DLG2: variants seen among roughly 807,000 people sequenced by gnomAD.
The protein encoded by DLG2 is discs large MAGUK scaffold protein 2, also known as disks large homolog 2.
Under a neutral mutation model 132.5 loss-of-function variants are expected in DLG2, and 45 were observed. The observed-to-expected ratio is 0.34, with a 90% CI of 0.27 to 0.44. The LOEUF (loss-of-function observed/expected upper bound fraction) is 0.44, where lower values mean the gene tolerates loss of function less well. Ranked by LOEUF, DLG2 falls within the 20% of genes least tolerant of loss-of-function variation. DLG2 has a pLI of 1.00. For missense variants in DLG2, 1,045 were observed against 1,196.9 expected (o/e 0.87, Z 1.87); for synonymous variants, 424 against 419.6 (o/e 1.01, Z -0.13).
At chr11:85,200,534 C>G (rs1335706028) in intron 4 of DLG2, among the ~76,000 whole-genome samples, 1 of 152,160 alleles carries the variant, frequency 6.6e-6, no homozygotes, top group Non-Finnish European at 1.5e-5. Flanking sequence ...CAGCATCAGC[C>G]CCTTGCATTG....
At chr11:83,753,775 CATAT>C (rs1176443667) in intron 18 of DLG2, among the ~76,000 whole-genome samples, 1 of 128,480 alleles carries the variant, frequency 7.8e-6, no homozygotes. Flanking sequence ...TATGATATGG[CATAT>C]ATATGTCATA....
intron 7 of DLG2, among the ~76,000 whole-genome samples, chr11:84,329,748 T>C (rs1238526306): frequency 6.6e-6 from 1 of 152,210 alleles, no homozygotes; most frequent in African/African-American, 2.4e-5. Flanking sequence ...GCTGAGAACA[T>C]TTTCATTGTT....
chr11:84,490,792 G>A (rs1446647355), intron 7 of DLG2, among the ~76,000 whole-genome samples: 6 of 151,816 alleles, frequency 4.0e-5, no homozygotes, highest in Non-Finnish European at 7.4e-5. Context: ...ATGGTGCCCA[G>A]TTTTCTTGTT....
intron 19 of DLG2, among the ~76,000 whole-genome samples, chr11:83,581,267 A>T (rs2096970447): frequency 6.6e-6 from 1 of 152,136 alleles, no homozygotes; most frequent in Non-Finnish European, 1.5e-5. Flanking sequence ...ATCACCTGGA[A>T]TAAAATTATT....
chr11:84,266,368 C>A (rs1385349828), intron 7 of DLG2, among the ~76,000 whole-genome samples: 5 of 152,188 alleles, frequency 3.3e-5, no homozygotes, highest in Non-Finnish European at 7.3e-5. Flanking sequence ...TTGTAATTAT[C>A]CAGGTCGCTT....
chr11:84,193,425 G>A (rs1296049728), intron 8 of DLG2, among the ~76,000 whole-genome samples: 1 of 152,182 alleles, frequency 6.6e-6, no homozygotes, highest in Non-Finnish European at 1.5e-5. Context: ...CTCTGGACCC[G>A]ACAGTAAGGG....
At chr11:84,898,851 T>C (rs575610532) in intron 6 of DLG2, among the ~76,000 whole-genome samples, 2 of 152,114 alleles carry the variant, frequency 1.3e-5, no homozygotes, top group African/African-American at 2.4e-5. Flanking sequence ...AGATTGAATT[T>C]AGTCATTTGT....
At chr11:84,830,991 C>A (rs1316525426) in intron 6 of DLG2, among the ~76,000 whole-genome samples, 1 of 124,234 alleles carries the variant, frequency 8.0e-6, no homozygotes, top group Non-Finnish European at 1.6e-5. Context: ...TTCTTTTCCC[C>A]CCATATTGAA....
intron 6 of DLG2, among the ~76,000 whole-genome samples, chr11:85,072,472 A>G (rs1399605923): frequency 6.6e-6 from 1 of 151,894 alleles, no homozygotes; most frequent in Non-Finnish European, 1.5e-5. Context: ...TTCAGCAACT[A>G]TATTTTGAGA....
intron 21 of DLG2, among the ~76,000 whole-genome samples, chr11:83,517,794 C>A (rs2095347184): frequency 6.6e-6 from 1 of 152,132 alleles, no homozygotes; most frequent in Non-Finnish European, 1.5e-5. Context: ...CACTCCAGAC[C>A]CTGTTTGCCT....
At chr11:83,937,993 A>T (rs1434388210) in intron 14 of DLG2, among the ~76,000 whole-genome samples, 1 of 152,240 alleles carries the variant, frequency 6.6e-6, no homozygotes, top group Non-Finnish European at 1.5e-5. Flanking sequence ...AAAAATAAAA[A>T]ATATGTACAA....
At chr11:83,618,042 T>C (rs2061097246) in intron 19 of DLG2, among the ~76,000 whole-genome samples, 1 of 152,196 alleles carries the variant, frequency 6.6e-6, no homozygotes, top group Non-Finnish European at 1.5e-5. Context: ...AGGAAGCCCA[T>C]TATTTTTCAC....
chr11:85,221,244 G>T (rs988372867), intron 4 of DLG2, among the ~76,000 whole-genome samples: 1 of 151,766 alleles, frequency 6.6e-6, no homozygotes, highest in Non-Finnish European at 1.5e-5. Context: ...GGGTTTCACC[G>T]CCAGGATGGT....
intron 6 of DLG2, among the ~76,000 whole-genome samples, chr11:84,616,508 A>G (rs1466446408): frequency 6.6e-6 from 1 of 152,084 alleles, no homozygotes; most frequent in Non-Finnish European, 1.5e-5. Context: ...ATAATTCACA[A>G]AGCACTGTCC....
intron 18 of DLG2, among the ~76,000 whole-genome samples, chr11:83,651,415 G>C (rs867209755): frequency 6.6e-6 from 1 of 152,304 alleles, no homozygotes; most frequent in Middle Eastern, 3.4e-3. Flanking sequence ...TTGGGTGACA[G>C]GGTGAAACTG....
chr11:84,911,863 AT>A (rs1316513660), intron 6 of DLG2, among the ~76,000 whole-genome samples: 1 of 152,168 alleles, frequency 6.6e-6, no homozygotes, highest in Admixed American at 6.5e-5. Flanking sequence ...GAGTGGTTAT[AT>A]TTAGATGATT....
chr11:85,255,612 A>G (rs966836383), intron 4 of DLG2, among the ~76,000 whole-genome samples: 7 of 152,358 alleles, frequency 4.6e-5, no homozygotes, highest in South Asian at 2.1e-4. Context: ...AATCTAAATT[A>G]ACAGAATCTT....
intron 18 of DLG2, among the ~76,000 whole-genome samples, chr11:83,750,791 A>T (rs2093254050): frequency 1.3e-5 from 2 of 152,332 alleles, no homozygotes; most frequent in Admixed American, 6.5e-5. Context: ...TTCAATAATA[A>T]TTTAAAAGGT....
At chr11:84,776,157 T>G (rs544800357) in intron 6 of DLG2, among the ~76,000 whole-genome samples, 1 of 152,234 alleles carries the variant, frequency 6.6e-6, no homozygotes, top group Admixed American at 6.5e-5. Flanking sequence ...TCTATCACTT[T>G]TTGTTGTTGT....
Sources: gnomAD v4.1 joint callset for allele counts (sites outside exome capture counted in the v4.1 genomes callset) on GRCh38, gnomAD v4.1.1 for gene constraint, MANE v1.5 for transcripts, NCBI Gene and HGNC (gene_info 2026-07-23, HGNC 2026-07-21) for gene names.